Variants in CMIP observed in about 807,000 individuals in gnomAD.
The protein encoded by CMIP is C-Maf-inducing protein.
CMIP carries 13 observed loss-of-function variants against 97.3 expected under a neutral mutation model. The ratio of observed to expected loss-of-function variants is 0.13; its 90% CI spans 0.09 to 0.21. The LOEUF is 0.21. Ranked by LOEUF, CMIP falls within the 10% of genes least tolerant of loss-of-function variation. CMIP has a pLI of 1.00. For missense variants in CMIP, 847 were observed against 1,024.9 expected (o/e 0.83, Z 2.37); for synonymous variants, 538 against 436.3 (o/e 1.23, Z -2.91).
chr16:81,461,388 G>T (rs974125121), intron 1 of CMIP, among the ~76,000 whole-genome samples: 14 of 152,146 alleles, frequency 9.2e-5, no homozygotes, highest in African/African-American at 3.4e-4. Context: ...TCTAGTTCTG[G>T]GATGGCAAAT....
chr16:81,534,451 T>G, intron 1 of CMIP, among the ~76,000 whole-genome samples: 1 of 152,256 alleles, frequency 6.6e-6, no homozygotes, highest in Middle Eastern at 3.2e-3. Context: ...AAATCATTTA[T>G]GTAGCAGTTA....
chr16:81,511,571 T>C (rs2925978), intron 1 of CMIP, among the ~76,000 whole-genome samples: 8,878 of 152,260 alleles, frequency 0.058, 846 homozygotes, highest in African/African-American at 0.2. Flanking sequence ...GAATTCCTAG[T>C]TTGTTTTTAC....
At chr16:81,597,067 T>G (rs2091569114) in intron 1 of CMIP, among the ~76,000 whole-genome samples, 1 of 152,172 alleles carries the variant, frequency 6.6e-6, no homozygotes, top group East Asian at 1.9e-4. Flanking sequence ...TGATGGTCAT[T>G]TGGGTAGTTT....
rs2091924335 is a variant in CMIP at position 81,616,789 on chromosome 16, G to A, written c.427-4087G>A. Reference sequence around the variant, plus strand: ...GATGGGGCTGAGAAGAGACTGATGTGTAGCAGTGTCTGTGGTCAGTGGCTC... The same window carrying A: ...GATGGGGCTGAGAAGAGACTGATGTATAGCAGTGTCTGTGGTCAGTGGCTC... On this transcript the variant is annotated intron_variant, in intron 2 of 20. Coordinates refer to ENST00000537098, the MANE Select transcript of CMIP (RefSeq NM_198390.3). This position sits in a 1 kb window ranked among gnomAD's most constrained non-coding sequence, Gnocchi z 4.7. Among the ~76,000 whole-genome samples the A allele has an allele frequency of 6.6e-6, 1 of 152,258 alleles. No individual in the cohort carries two copies. Among genetic ancestry groups the A allele is most frequent in the African/African-American group, 2.4e-5 (1 of 41,472 alleles).
intron 1 of CMIP, among the ~76,000 whole-genome samples, chr16:81,520,875 C>T (rs1277548924): frequency 6.6e-6 from 1 of 152,074 alleles, no homozygotes; most frequent in East Asian, 1.9e-4. Flanking sequence ...TCTGGGAGGG[C>T]CTAATCCTGG....
At chr16:81,708,066 G>T (rs1026812724) in intron 20 of CMIP, among the ~76,000 whole-genome samples, 23 of 152,264 alleles carry the variant, frequency 1.5e-4, no homozygotes, top group Non-Finnish European at 7.3e-5. Context: ...GGACACCGAG[G>T]TGTGGCTGCC....
chr16:81,486,739 C>G (rs530978160), intron 1 of CMIP, among the ~76,000 whole-genome samples: 2 of 152,380 alleles, frequency 1.3e-5, no homozygotes, highest in African/African-American at 4.8e-5. Flanking sequence ...CCAGCTGTGC[C>G]TGGTGGCCGG....
In CMIP at chr16:81,482,423, G is replaced by C. The variant is rs186990456; in HGVS notation, c.300+36882G>C. ...AGGTGAGTGGGTGCTTGGCTTTGGA[G>C]GGGTGCTGGGCGCCTAAGTACCTGG... On this transcript the variant is annotated intron_variant, in intron 1 of 20. Coordinates refer to ENST00000537098, the MANE Select transcript of CMIP (RefSeq NM_198390.3). Among the ~76,000 whole-genome samples, 780 of 152,330 alleles carry C rather than the reference G, an allele frequency of 5.1e-3. 2 individuals are homozygous for C. Among genetic ancestry groups the C allele is most frequent in the Non-Finnish European group, 6.5e-3 (443 of 68,024 alleles).
At chr16:81,670,742 G>T (rs1186204587) in intron 8 of CMIP, among the ~76,000 whole-genome samples, 2 of 151,930 alleles carry the variant, frequency 1.3e-5, no homozygotes, top group Non-Finnish European at 2.9e-5. Flanking sequence ...TGATGCTCCA[G>T]TGAGTAGGAG....
rs757849921 is a variant in CMIP, at chr16:81,670,182, A to G, written c.866A>G (p.Glu289Gly). The change falls in exon 8 of 21, where the codon GAG (glutamate) becomes GGG (glycine). Residue 289 changes from glutamate to glycine, a missense_variant. This residue lies in a region of CMIP where 285 missense variants were observed against 392.2 expected (regional missense o/e 0.73). Transcript: ENST00000537098. Reference protein sequence around the residue: ...KCPRLRLFTQEYILALNELNA... With the variant: ...KCPRLRLFTQGYILALNELNA... ...CCGCGACTGAGGCTGTTTACTCAGG[A>G]GTACATCCTTGCCTTGAACGAGCTC... 2.0e-5 allele frequency: 33 copies of G among 1,611,678 alleles called. No homozygotes were observed. Among genetic ancestry groups the G allele is most frequent in the African/African-American group, 2.7e-5 (2 of 74,894 alleles).
chr16:81,551,736 A>G (rs1447423905), intron 1 of CMIP, among the ~76,000 whole-genome samples: 1 of 152,212 alleles, frequency 6.6e-6, no homozygotes, highest in Non-Finnish European at 1.5e-5. Context: ...CCCTGGGGAC[A>G]TCATAGGGGT....
chr16:81,612,769 C>G (rs530976096), intron 2 of CMIP, among the ~76,000 whole-genome samples: 8 of 152,184 alleles, frequency 5.3e-5, no homozygotes, highest in Non-Finnish European at 1.0e-4. Flanking sequence ...TTCCGGGGGA[C>G]TTGGGGTCTG....
At chr16:81,645,696 C>T (rs1033642918) in intron 3 of CMIP, 4 of 1,402,944 alleles carry the variant, frequency 2.9e-6, no homozygotes, top group Admixed American at 3.9e-5. Flanking sequence ...GCTGTCTCTG[C>T]TTGCCGCTGG....
intron 1 of CMIP, among the ~76,000 whole-genome samples, chr16:81,511,373 C>T (rs982140303): frequency 6.6e-6 from 1 of 151,988 alleles, no homozygotes; most frequent in Non-Finnish European, 1.5e-5. Flanking sequence ...TATTGGTTTG[C>T]TCATTTAAGA....
intron 1 of CMIP, among the ~76,000 whole-genome samples, chr16:81,489,328 G>A (rs2089369208): frequency 1.3e-5 from 2 of 152,230 alleles, no homozygotes; most frequent in South Asian, 4.1e-4. Context: ...AGGGGAGGTA[G>A]TGCTTGTTCC....
At chr16:81,633,557 C>G (rs952322768) in intron 3 of CMIP, among the ~76,000 whole-genome samples, 6 of 152,250 alleles carry the variant, frequency 3.9e-5, no homozygotes, top group African/African-American at 1.4e-4. Context: ...GGAGATGATG[C>G]AGAACGACTA....
intron 1 of CMIP, chr16:81,519,417 C>G (rs1002927497): frequency 4.6e-5 from 7 of 152,234 alleles, no homozygotes; most frequent in African/African-American, 1.7e-4. Context: ...AAGTCCTGAC[C>G]CCTTAACTCA....
intron 9 of CMIP, among the ~76,000 whole-genome samples, chr16:81,677,733 G>A (rs1399014976): frequency 6.6e-6 from 1 of 152,222 alleles, no homozygotes; most frequent in Admixed American, 6.5e-5. Flanking sequence ...GGTTACCCAG[G>A]AGGAGTGGGG....
chr16:81,634,627 G>A (rs971313591), intron 3 of CMIP, among the ~76,000 whole-genome samples: 1 of 152,186 alleles, frequency 6.6e-6, no homozygotes, highest in Non-Finnish European at 1.5e-5. Context: ...TCCCCAGGGA[G>A]GGCAGGAGTG....
Sources: allele counts gnomAD v4.1 joint callset (sites outside exome capture counted in the v4.1 genomes callset), GRCh38; gene constraint gnomAD v4.1.1; regional missense constraint gnomAD v4.1.1; non-coding constraint Gnocchi (gnomAD v3.1); transcripts MANE v1.5; gene names NCBI Gene and HGNC (gene_info 2026-07-23, HGNC 2026-07-21).